Variants in FYB1 observed in about 807,000 individuals in gnomAD.
FYB1 encodes the protein FYN-binding protein 1.
In FYB1, 41 loss-of-function variants were observed where a neutral mutation model predicts 94.1. The ratio of observed to expected loss-of-function variants is 0.44; its 90% CI spans 0.34 to 0.57. The LOEUF (loss-of-function observed/expected upper bound fraction) is 0.57, where lower values mean the gene tolerates loss of function less well. FYB1 is among the 20% of genes least tolerant of loss of function. The pLI is 0.02. For synonymous variants in FYB1, 367 were observed against 353.2 expected (o/e 1.04, Z -0.44); for missense variants, 1,050 against 976.8 (o/e 1.07, Z -1.00).
At chr5:39,177,346 C>T (rs1256235338) in intron 2 of FYB1, among the ~76,000 whole-genome samples, 1 of 152,178 alleles carries the variant, frequency 6.6e-6, no homozygotes, top group Non-Finnish European at 1.5e-5. Context: ...CCGTAACCTA[C>T]CTGTTCCTTT....
chr5:39,239,196 G>A (rs983050863), intron 1 of FYB1, among the ~76,000 whole-genome samples: 2 of 152,084 alleles, frequency 1.3e-5, no homozygotes, highest in Admixed American at 6.5e-5. Context: ...CCAGCCCACA[G>A]CCAACATCAT....
Position 39,270,518 on chromosome 5 carries a change from A to T in FYB1, c.-28+3885T>A, listed in dbSNP as rs1397588969. Reference sequence around the variant, plus strand: ...ACTCTGACTGTTCTATGCAGAGAAGAGTAGCACATTTGCCAGGAGACCAAG... The same window carrying T: ...ACTCTGACTGTTCTATGCAGAGAAGTGTAGCACATTTGCCAGGAGACCAAG... On this transcript the variant is annotated intron_variant, in intron 1 of 1. Transcript: ENST00000510188. 38 of 1,507,930 alleles carry T rather than the reference A, an allele frequency of 2.5e-5. 1 individual carries two copies. Among genetic ancestry groups the T allele is most frequent in the Non-Finnish European group, 3.2e-5 (36 of 1,122,394 alleles). 93.4% of individuals were successfully genotyped at this position (1,507,930 alleles called of 1,614,324 possible).
At chr5:39,247,978 A>C (rs1326955629) in intron 1 of FYB1, among the ~76,000 whole-genome samples, 3 of 151,974 alleles carry the variant, frequency 2.0e-5, no homozygotes, top group Non-Finnish European at 2.9e-5. Flanking sequence ...GTTTAGAAAG[A>C]GTCAAAGCAA....
At chr5:39,195,583 G>A (rs927685918) in intron 2 of FYB1, among the ~76,000 whole-genome samples, 1 of 152,168 alleles carries the variant, frequency 6.6e-6, no homozygotes, top group African/African-American at 2.4e-5. Context: ...AATGCCCTCT[G>A]GGGCCCTCGC....
chr5:39,162,609 A>C (rs1388871080), intron 2 of FYB1, among the ~76,000 whole-genome samples: 4 of 151,926 alleles, frequency 2.6e-5, no homozygotes, highest in Non-Finnish European at 4.4e-5. Context: ...CGCTTGAACC[A>C]GGGAGGCGGA....
intron 2 of FYB1, among the ~76,000 whole-genome samples, chr5:39,195,147 G>A (rs1030374837): frequency 5.3e-5 from 8 of 152,076 alleles, no homozygotes; most frequent in South Asian, 2.1e-4. Flanking sequence ...AAAGCATCCC[G>A]GGATCTCTTC....
chr5:39,269,111 G>A (rs1177606928), intron 1 of FYB1, among the ~76,000 whole-genome samples: 4 of 151,724 alleles, frequency 2.6e-5, no homozygotes, highest in African/African-American at 9.7e-5. Flanking sequence ...GCGCAGTGGC[G>A]TGATCTCGGC....
intron 2 of FYB1, among the ~76,000 whole-genome samples, chr5:39,174,977 G>T (rs1745585272): frequency 6.6e-6 from 1 of 152,168 alleles, no homozygotes. Context: ...GTGATGAGGA[G>T]TACTGTAAAA....
At chr5:39,128,044 G>T (rs968613262) in intron 10 of FYB1, among the ~76,000 whole-genome samples, 1 of 152,110 alleles carries the variant, frequency 6.6e-6, no homozygotes, top group Non-Finnish European at 1.5e-5. Flanking sequence ...AGGAATGAGG[G>T]TGCAAAAACA....
intron 14 of FYB1, 40 bp downstream of exon 14, chr5:39,122,296 C>T (rs1449577430): frequency 1.5e-6 from 2 of 1,311,368 alleles, no homozygotes; most frequent in Non-Finnish European, 2.2e-6. Context: ...TGAGTATTCT[C>T]ATTTTCATTA....
chr5:39,233,767 A>G (rs1750845953), intron 1 of FYB1, among the ~76,000 whole-genome samples: 1 of 152,132 alleles, frequency 6.6e-6, no homozygotes, highest in African/African-American at 2.4e-5. Context: ...ATATAAAGAT[A>G]TGGCCTCATA....
chr5:39,125,882 T>C, intron 12 of FYB1, 116 bp downstream of exon 12: 1 of 1,025,856 alleles, frequency 9.7e-7, no homozygotes, highest in South Asian at 1.8e-5. Flanking sequence ...GAAAATTGCA[T>C]TAAGATGATT....
intron 1 of FYB1, among the ~76,000 whole-genome samples, chr5:39,264,359 G>T (rs1214212627): frequency 6.6e-6 from 1 of 152,162 alleles, no homozygotes; most frequent in Non-Finnish European, 1.5e-5. Context: ...TGACCAATCT[G>T]GCATTCTGAT....
chr5:39,186,780 T>C (rs1300661158), intron 2 of FYB1, among the ~76,000 whole-genome samples: 3 of 152,062 alleles, frequency 2.0e-5, no homozygotes, highest in Non-Finnish European at 2.9e-5. Context: ...TTAATTAAAT[T>C]GCTGCCAATT....
intron 3 of FYB1, among the ~76,000 whole-genome samples, chr5:39,141,484 C>T (rs1049566853): frequency 2.0e-5 from 3 of 152,078 alleles, no homozygotes; most frequent in African/African-American, 4.8e-5. Flanking sequence ...CTATGGTACA[C>T]ACACAAAAGA....
chr5:39,121,361 C>A (rs995757000), intron 14 of FYB1, among the ~76,000 whole-genome samples: 1 of 152,006 alleles, frequency 6.6e-6, no homozygotes. Context: ...GGAACTTGAT[C>A]TTCATATATG....
intron 1 of FYB1, among the ~76,000 whole-genome samples, chr5:39,239,628 G>A (rs1364514344): frequency 1.3e-5 from 2 of 152,094 alleles, no homozygotes; most frequent in Non-Finnish European, 2.9e-5. Flanking sequence ...TCTACAGTGA[G>A]ACTTACAAAA....
chr5:39,200,219 T>C (rs994635889), intron 2 of FYB1, among the ~76,000 whole-genome samples: 6 of 152,194 alleles, frequency 3.9e-5, no homozygotes, highest in Non-Finnish European at 8.8e-5. Context: ...GGGTCCCTTG[T>C]AGCTTTACTT....
intron 1 of FYB1, among the ~76,000 whole-genome samples, chr5:39,217,127 A>G (rs1749929454): frequency 6.6e-6 from 1 of 152,184 alleles, no homozygotes; most frequent in Non-Finnish European, 1.5e-5. Context: ...GAGCATTCCA[A>G]CAATCACTTC....
Sources: gnomAD v4.1 joint callset for allele counts (sites outside exome capture counted in the v4.1 genomes callset) on GRCh38, gnomAD v4.1.1 for gene constraint, MANE v1.5 for transcripts, NCBI Gene and HGNC (gene_info 2026-07-23, HGNC 2026-07-21) for gene names.